LRP1B: variants seen among roughly 807,000 people sequenced by gnomAD.
The protein encoded by LRP1B is low-density lipoprotein receptor-related protein 1B.
In LRP1B, 217 loss-of-function variants were observed where a neutral mutation model predicts 556.6. The observed-to-expected ratio is 0.39, with a 90% CI of 0.35 to 0.44. LRP1B has a LOEUF of 0.44. Ranked by LOEUF, LRP1B falls within the 20% of genes least tolerant of loss-of-function variation. LRP1B has a pLI of 1.00. For missense variants in LRP1B, 5,053 were observed against 5,620.8 expected (o/e 0.90, Z 3.23); for synonymous variants, 2,047 against 1,865.8 (o/e 1.10, Z -2.50).
intron 2 of LRP1B, among the ~76,000 whole-genome samples, chr2:141,522,510 A>G (rs1408749874): frequency 6.6e-6 from 1 of 152,178 alleles, no homozygotes; most frequent in African/African-American, 2.4e-5. Flanking sequence ...CTTGAAGATC[A>G]GATCGTATCT....
intron 1 of LRP1B, among the ~76,000 whole-genome samples, chr2:141,866,357 G>A (rs1408840289): frequency 6.6e-6 from 1 of 152,096 alleles, no homozygotes; most frequent in Non-Finnish European, 1.5e-5. Flanking sequence ...CCACAAAAAT[G>A]TTGTAATGAA....
chr2:141,452,680 G>T (rs1681464697), intron 3 of LRP1B, among the ~76,000 whole-genome samples: 1 of 152,164 alleles, frequency 6.6e-6, no homozygotes, highest in South Asian at 2.1e-4. Flanking sequence ...CATTATAGTT[G>T]TCACTACTCT....
chr2:140,788,854 G>C (rs1224336959), intron 32 of LRP1B, among the ~76,000 whole-genome samples: 3 of 152,128 alleles, frequency 2.0e-5, no homozygotes, highest in Non-Finnish European at 4.4e-5. Context: ...GAGGTCATAT[G>C]GGTGGATCCT....
At chr2:140,275,356 A>G (rs1187670622) in intron 84 of LRP1B, among the ~76,000 whole-genome samples, 1 of 151,988 alleles carries the variant, frequency 6.6e-6, no homozygotes, top group Admixed American at 6.6e-5. Flanking sequence ...CTTTCCTTAA[A>G]GCAGTTTCTT....
At chr2:141,094,064 G>T (rs943733604) in intron 7 of LRP1B, among the ~76,000 whole-genome samples, 2 of 151,920 alleles carry the variant, frequency 1.3e-5, no homozygotes, top group African/African-American at 4.8e-5. Context: ...TATTTCTAGA[G>T]AAAAAGATAC....
In LRP1B at chr2:140,967,835, G is replaced by T. The variant is rs191159952; in HGVS notation, c.2887+14325C>A. Among the ~76,000 whole-genome samples the T allele has an allele frequency of 6.8e-3, 1,029 of 151,904 alleles. 13 individuals carry two copies. Among genetic ancestry groups the T allele is most frequent in the African/African-American group, 0.024 (982 of 41,398 alleles). On this transcript the variant is annotated intron_variant, in intron 18 of 90. Transcript: ENST00000389484. ...TGTCTTTGGTTCTGTTTATATGCTGGATTATGTTTATTGATTTGCATATGT... is the reference window on the plus strand; with the variant it reads ...TGTCTTTGGTTCTGTTTATATGCTGTATTATGTTTATTGATTTGCATATGT...
At chr2:142,113,460 A>T (rs1259283895) in intron 1 of LRP1B, among the ~76,000 whole-genome samples, 1 of 147,724 alleles carries the variant, frequency 6.8e-6, no homozygotes, top group Non-Finnish European at 1.5e-5. Flanking sequence ...TTAGAGAATG[A>T]GGTTAGGAGT....
intron 21 of LRP1B, among the ~76,000 whole-genome samples, chr2:140,914,992 T>G (rs771892097): frequency 3.9e-5 from 6 of 152,176 alleles, no homozygotes; most frequent in Non-Finnish European, 7.3e-5. Flanking sequence ...TAGTAACTTA[T>G]CTGCACTCAT....
chr2:142,042,269 C>A (rs1039468974), intron 1 of LRP1B, among the ~76,000 whole-genome samples: 1 of 151,324 alleles, frequency 6.6e-6, no homozygotes, highest in Non-Finnish European at 1.5e-5. Context: ...GAAATTAAAA[C>A]CCCAGAATTT....
intron 23 of LRP1B, among the ~76,000 whole-genome samples, chr2:140,887,891 G>T (rs1261484508): frequency 1.3e-5 from 2 of 152,148 alleles, no homozygotes; most frequent in Admixed American, 1.3e-4. Flanking sequence ...AGGGCCGAGG[G>T]TAGGTATTAA....
intron 3 of LRP1B, among the ~76,000 whole-genome samples, chr2:141,431,531 C>A (rs1680563922): frequency 6.6e-6 from 1 of 152,200 alleles, no homozygotes; most frequent in Non-Finnish European, 1.5e-5. Flanking sequence ...AGAAAGCTGA[C>A]TGAGATTTTG....
intron 7 of LRP1B, among the ~76,000 whole-genome samples, chr2:141,153,265 T>C (rs1043104989): frequency 1.5e-5 from 2 of 130,074 alleles, no homozygotes; most frequent in African/African-American, 5.7e-5. Flanking sequence ...TATATATTTA[T>C]AATAATATAT....
chr2:142,123,075 C>T (rs1707515569), intron 1 of LRP1B, among the ~76,000 whole-genome samples: 1 of 151,998 alleles, frequency 6.6e-6, no homozygotes, highest in Non-Finnish European at 1.5e-5. Context: ...TTTCCTTACA[C>T]ATCCTAGTTT....
At chr2:142,057,141 C>T (rs1704704858) in intron 1 of LRP1B, among the ~76,000 whole-genome samples, 1 of 152,134 alleles carries the variant, frequency 6.6e-6, no homozygotes, top group South Asian at 2.1e-4. Flanking sequence ...ATCACCGCTT[C>T]ATTTTGGCGT....
intron 2 of LRP1B, among the ~76,000 whole-genome samples, chr2:141,619,784 G>A (rs1270730923): frequency 6.7e-6 from 1 of 149,546 alleles, no homozygotes; most frequent in Non-Finnish European, 1.5e-5. Context: ...GCAGAACACA[G>A]AGGTACAGCT....
In LRP1B at chr2:140,923,108, T is replaced by A. The variant is rs2105258810; in HGVS notation, c.3176A>T (p.Gln1059Leu). ...AACGCAATTACCATCAGGGTGGCAC[T>A]GAAATTCATTTCCGTTACAACCAGC... ...SPAGCNGNEF[Q>L]CHPDGNCVPD... Residue 1059 changes from glutamine to leucine, a missense_variant, in exon 21 of 91, where the codon CAG becomes CTG. By Grantham distance (113) the Gln-to-Leu change is moderately radical. Coordinates refer to ENST00000389484, the MANE Select transcript of LRP1B (RefSeq NM_018557.3). 6.2e-7 allele frequency: 1 copy of A among 1,612,038 alleles called. No individual in the cohort carries two copies. The highest frequency in any genetic ancestry group is 8.5e-7 in the Non-Finnish European group (1 of 1,178,874).
intron 23 of LRP1B, chr2:140,899,216 A>C (rs1694033070): frequency 6.3e-6 from 1 of 159,924 alleles, no homozygotes; most frequent in South Asian, 1.8e-4. Flanking sequence ...ATCTGCAATG[A>C]GAAGATGATA....
Position 142,064,233 on chromosome 2 carries a change from T to G in LRP1B, c.82+66415A>C, listed in dbSNP as rs138802121. ...GGCCCACCTATCTGTACTCTATTTT[T>G]CAAGATCTTAGTTACATTGGACAAT... On this transcript the variant is annotated intron_variant, in intron 1 of 90. Transcript: ENST00000389484. Among the ~76,000 whole-genome samples the G allele has an allele frequency of 4.0e-3, 605 of 151,656 alleles. 5 individuals are homozygous for G. Among genetic ancestry groups the G allele is most frequent in the African/African-American group, 0.014 (578 of 41,486 alleles).
At chr2:140,980,072 A>T (rs553910224) in intron 18 of LRP1B, among the ~76,000 whole-genome samples, 1 of 152,200 alleles carries the variant, frequency 6.6e-6, no homozygotes, top group Non-Finnish European at 1.5e-5. Context: ...TTATTAAAAT[A>T]AAGAAACAGG....
Sources: allele counts gnomAD v4.1 joint callset (sites outside exome capture counted in the v4.1 genomes callset), GRCh38; gene constraint gnomAD v4.1.1; transcripts MANE v1.5; gene names NCBI Gene and HGNC (gene_info 2026-07-23, HGNC 2026-07-21).